IMPDH1: variants seen among roughly 807,000 people sequenced by gnomAD.
IMPDH1 encodes inosine monophosphate dehydrogenase 1.
A neutral mutation model predicts 73.5 loss-of-function variants in IMPDH1; 41 were observed. The observed-to-expected ratio is 0.56, with a 90% CI of 0.43 to 0.72. The LOEUF (loss-of-function observed/expected upper bound fraction) is 0.72. IMPDH1 is among the 30% of genes least tolerant of loss of function. IMPDH1 has a pLI of 0.00. For missense variants in IMPDH1, 645 were observed against 824.8 expected (o/e 0.78, Z 2.67); for synonymous variants, 318 against 334.3 (o/e 0.95, Z 0.53).
At position 128,409,958 on chromosome 7, in the gene IMPDH1, G is replaced by A; in HGVS notation, c.-57C>T. ...CTGGAGGCTCCCGGGGCCCCGGCTG[G>A]GCAGTGAGCGCAGCCCGGTCGAGTC... On this transcript the variant is annotated 5_prime_UTR_variant, in exon 1 of 17. Coordinates refer to ENST00000338791, the MANE Select transcript of IMPDH1 (RefSeq NM_000883.4). 1 of 1,306,416 alleles carries A rather than the reference G, an allele frequency of 7.7e-7. No homozygotes were observed. The highest frequency in any genetic ancestry group is 9.7e-7 in the Non-Finnish European group (1 of 1,028,860). 80.9% of individuals were successfully genotyped at this position (1,306,416 alleles called of 1,614,324 possible). A position where few individuals can be genotyped will look rare whatever the true frequency, so the allele number is the denominator to read the frequency against.
chr7:128,399,152 C>T (rs1410952197), intron 9 of IMPDH1, among the ~76,000 whole-genome samples: 2 of 152,032 alleles, frequency 1.3e-5, no homozygotes, highest in Non-Finnish European at 2.9e-5. Context: ...TCACTTGAGG[C>T]CAGGAGTTCA....
chr7:128,392,782 AG>A lies in IMPDH1; in HGVS notation c.*224del. The A allele has an allele frequency of 3.6e-6, 2 of 556,694 alleles. No homozygotes were observed. The highest frequency in any genetic ancestry group is 4.3e-5 in the South Asian group (2 of 45,988). 34.5% of individuals were successfully genotyped at this position (556,694 alleles called of 1,614,324 possible). The stretch of plus-strand genomic sequence containing the variant: ...TGAGAGCCTGGCTGGCTGGGCTCGG[AG>A]GGGGGCTCCCAGGGCAGCCTGGCCC... On this transcript the variant is annotated 3_prime_UTR_variant, in exon 17 of 17. Coordinates refer to ENST00000338791, the MANE Select transcript of IMPDH1 (RefSeq NM_000883.4).
At chr7:128,405,670 G>A (rs1194924056) in intron 4 of IMPDH1, 97 bp downstream of exon 4, 2 of 1,454,542 alleles carry the variant, frequency 1.4e-6, no homozygotes, top group South Asian at 1.3e-5. Context: ...ACTCGCACCG[G>A]GCAGGGAACG....
rs1185203684 is a variant in IMPDH1, at chr7:128,392,705, G to C, written c.*302C>G. ...AGGGGCCGCCTGCCCCTGGGGTGGG[G>C]GCCAGGCTGGAGCAGGCTGCAGCAA... On this transcript the variant is annotated 3_prime_UTR_variant, in exon 17 of 17. Transcript: ENST00000338791. 3.8e-5 allele frequency: 16 copies of C among 425,518 alleles called. No individual in the cohort carries two copies. The highest frequency in any genetic ancestry group is 6.0e-5 in the Non-Finnish European group (14 of 231,908). 26.4% of individuals were successfully genotyped at this position (425,518 alleles called of 1,614,324 possible). A position where few individuals can be genotyped will look rare whatever the true frequency, so the allele number is the denominator to read the frequency against.
intron 5 of IMPDH1, among the ~76,000 whole-genome samples, chr7:128,401,548 G>A (rs1344154964): frequency 6.6e-6 from 1 of 152,104 alleles, no homozygotes; most frequent in African/African-American, 2.4e-5. Context: ...GTGGAGGGAA[G>A]GGAGAGGCAG....
intron 12 of IMPDH1, among the ~76,000 whole-genome samples, chr7:128,395,511 A>G (rs890418425): frequency 2.0e-5 from 3 of 152,186 alleles, no homozygotes; most frequent in Admixed American, 6.5e-5. Flanking sequence ...TGACGGGGGA[A>G]CCAGAAGCGG....
rs1253235754 is a variant in IMPDH1 at position 128,400,389 on chromosome 7, T to G, written c.730A>C (p.Thr244Pro). ...TMGSKLVGIV[T>P]SRDIDFLAEK... ...GCAAGAAAGTCGATGTCTCGGGAGG[T>G]GACGATGCCCACCAGCTTGCTGCCC... Residue 244 changes from threonine (T) to proline (P), a missense_variant, in exon 8 of 17, where the codon ACC becomes CCC. Coordinates refer to ENST00000338791, the MANE Select transcript of IMPDH1 (RefSeq NM_000883.4). 1.2e-6 allele frequency: 2 copies of G among 1,612,398 alleles called. No homozygotes were observed. The highest frequency in any genetic ancestry group is 1.7e-6 in the Non-Finnish European group (2 of 1,179,688).
At chr7:128,393,828 G>C (rs1012497757) in intron 16 of IMPDH1, 1 of 295,346 alleles carries the variant, frequency 3.4e-6, no homozygotes, top group Admixed American at 4.7e-5. Context: ...GCACATGCCT[G>C]CAACTACTGC....
In IMPDH1 at chr7:128,409,588, C is replaced by G. The variant is rs535371364; in HGVS notation, c.147-104G>C. The G allele has an allele frequency of 5.2e-6, 8 of 1,535,112 alleles. No individual in the cohort carries two copies. The South Asian group carries it at 7.8e-5, about 15-fold the overall frequency. On this transcript the variant is annotated intron_variant, in intron 1 of 16. Coordinates refer to ENST00000338791, the MANE Select transcript of IMPDH1 (RefSeq NM_000883.4). ...ACAGTGCCCGTCTGCATCCCCCAAC[C>G]AAAGCCGGGAGCGTGGCGTTTCGGG...
intron 1 of IMPDH1, 129 bp from the exon 2 acceptor site, chr7:128,409,613 G>T (rs994447488): frequency 2.0e-5 from 30 of 1,517,240 alleles, no homozygotes; most frequent in Admixed American, 3.4e-5. Context: ...GGCGTTTCGG[G>T]AAGTTAGAGG....
chr7:128,397,850 GTC>G (rs989527487), intron 10 of IMPDH1, among the ~76,000 whole-genome samples: 1 of 152,096 alleles, frequency 6.6e-6, no homozygotes, highest in African/African-American at 2.4e-5. Context: ...CGAAAACTGT[GTC>G]TGATAGCCAA....
Position 128,396,619 on chromosome 7 carries a change from G to A in IMPDH1, c.1242C>T (p.Ser414=), listed in dbSNP as rs1391865860. The A allele has an allele frequency of 2.6e-6, 4 of 1,555,156 alleles. No homozygotes were observed. The East Asian group carries it at 9.7e-5, about 38-fold the overall frequency. The change falls in exon 12 of 17, where the codon TCC becomes TCT. Residue 414 remains serine (S), a synonymous_variant. Coordinates refer to ENST00000338791, the MANE Select transcript of IMPDH1 (RefSeq NM_000883.4). This position sits in a 1 kb window ranked among gnomAD's most constrained non-coding sequence, Gnocchi z 4.0. ...DGLRVGMGCG[S]ICITQEVMAC... is the part of the protein sequence containing the mutation. ...ACCCACCTTCCTGGGTGATGCAGAT[G>A]GAGCCGCAGCCCATGCCCACGCGCA...
chr7:128,406,928 G>A (rs1402115598), intron 3 of IMPDH1, among the ~76,000 whole-genome samples: 3 of 152,224 alleles, frequency 2.0e-5, no homozygotes. Flanking sequence ...AGCAGAAGTT[G>A]GTGGCCCTGG....
intron 12 of IMPDH1, 57 bp from the exon 13 acceptor site, chr7:128,395,331 G>A: frequency 3.1e-6 from 5 of 1,599,686 alleles, no homozygotes; most frequent in Non-Finnish European, 4.3e-6. Flanking sequence ...TCCGGGGCCT[G>A]GAGCGGGGCC....
At chr7:128,403,787 G>C in intron 4 of IMPDH1, 33 bp from the exon 5 acceptor site, 1 of 1,605,070 alleles carries the variant, frequency 6.2e-7, no homozygotes, top group Non-Finnish European at 8.5e-7. Flanking sequence ...GTTATTAGTG[G>C]GGAGGGGTGC....
chr7:128,396,748 T>C lies in IMPDH1; in HGVS notation c.1166-53A>G. ...AATGTGAGGATGGGATGCCCCTGCCTGCCCAACAGCCTCTTGGGACCCCAG... is the reference window on the plus strand; with the variant it reads ...AATGTGAGGATGGGATGCCCCTGCCCGCCCAACAGCCTCTTGGGACCCCAG... On this transcript the variant is annotated intron_variant, in intron 11 of 16. Transcript: ENST00000338791. The surrounding 1 kb of genome is among the most constrained non-coding windows in gnomAD (Gnocchi z 4.0). 1 of 1,453,784 alleles carries C rather than the reference T, an allele frequency of 6.9e-7. No individual in the cohort carries two copies. The highest frequency in any genetic ancestry group is 1.4e-5 in the African/African-American group (1 of 71,250). The allele number at this position is 1,453,784 out of a possible 1,614,324, so 90.1% of individuals were successfully genotyped here.
chr7:128,394,578 G>A lies in IMPDH1; in HGVS notation c.1572C>T (p.Ile524=), dbSNP rs267601273. 8.1e-6 allele frequency: 13 copies of A among 1,613,650 alleles called. No homozygotes were observed. The Admixed American group carries it at 8.3e-5, about 10-fold the overall frequency. The part of the protein sequence containing the change: ...RYFSEGDKVK[I]AQGVSGSIQD... Reference sequence around the variant, plus strand: ...GGATGGAGCCCGAGACACCCTGCGCGATCTTCACTTTATCCCCCTCGCTGC... The same window carrying A: ...GGATGGAGCCCGAGACACCCTGCGCAATCTTCACTTTATCCCCCTCGCTGC... The change falls in exon 15 of 17, where the codon ATC becomes ATT. Residue 524 remains isoleucine (I), a synonymous_variant. Coordinates refer to ENST00000338791, the MANE Select transcript of IMPDH1 (RefSeq NM_000883.4). The surrounding 1 kb of genome is among the most constrained non-coding windows in gnomAD (Gnocchi z 5.5).
rs1177930913 is a variant in IMPDH1 at position 128,396,484 on chromosome 7, C to A, written c.1261+116G>T. ...TGGGGTGGGGCCCATGCCTGGGTCA[C>A]CCCGGAGCCTACCATGGCAGAACAG... On this transcript the variant is annotated intron_variant, in intron 12 of 16. Coordinates refer to ENST00000338791, the MANE Select transcript of IMPDH1 (RefSeq NM_000883.4). The surrounding 1 kb of genome is among the most constrained non-coding windows in gnomAD (Gnocchi z 4.0). 1.1e-6 allele frequency: 1 copy of A among 877,632 alleles called. No homozygotes were observed. Among genetic ancestry groups the A allele is most frequent in the African/African-American group, 1.7e-5 (1 of 60,410 alleles). 54.4% of individuals were successfully genotyped at this position (877,632 alleles called of 1,614,324 possible).
chr7:128,406,338 G>A (rs1435872530), intron 3 of IMPDH1, among the ~76,000 whole-genome samples: 1 of 76,828 alleles, frequency 1.3e-5, no homozygotes, highest in African/African-American at 5.1e-5. Context: ...TTCTCCCCCA[G>A]CCGGGGCCAC....
Sources: allele counts gnomAD v4.1 joint callset (sites outside exome capture counted in the v4.1 genomes callset), GRCh38; gene constraint gnomAD v4.1.1; non-coding constraint Gnocchi (gnomAD v3.1); transcripts MANE v1.5; gene names NCBI Gene and HGNC (gene_info 2026-07-23, HGNC 2026-07-21).